TRPC1: variants seen among roughly 807,000 people sequenced by gnomAD.
TRPC1 encodes the protein short transient receptor potential channel 1.
A neutral mutation model predicts 88.2 loss-of-function variants in TRPC1; 42 were observed. The ratio of observed to expected loss-of-function variants is 0.48; its 90% CI spans 0.37 to 0.62. TRPC1 has a LOEUF of 0.62. Among genes scored for constraint, TRPC1 ranks in the 20% least tolerant of loss-of-function variants. The pLI, the probability that TRPC1 is intolerant of heterozygous loss-of-function variation, is 0.00. For synonymous variants in TRPC1, 288 were observed against 331.8 expected, an observed-to-expected ratio of 0.87 and a Z score of 1.43; for missense variants, 699 against 957.3, an observed-to-expected ratio of 0.73 and a Z score of 3.56.
At chr3:142,784,592 A>G (rs1577996255) in intron 6 of TRPC1, 112 bp from the exon 7 acceptor site, 1 of 846,692 alleles carries the variant, frequency 1.2e-6, no homozygotes, top group Admixed American at 3.0e-5. Flanking sequence ...TGTTGAATGT[A>G]TAGAATTGAT....
intron 9 of TRPC1, among the ~76,000 whole-genome samples, chr3:142,794,509 A>G (rs1018614512): frequency 2.0e-5 from 3 of 152,174 alleles, no homozygotes; most frequent in Non-Finnish European, 4.4e-5. Flanking sequence ...ATCAGGCAGT[A>G]AACAACAGTG....
At chr3:142,785,594 C>T (rs532139289) in intron 7 of TRPC1, among the ~76,000 whole-genome samples, 6 of 152,284 alleles carry the variant, frequency 3.9e-5, no homozygotes, top group African/African-American at 9.6e-5. Context: ...CTCCGCCTCC[C>T]GGGTTCAAAC....
At chr3:142,804,958 G>A (rs1294074032) in intron 12 of TRPC1, among the ~76,000 whole-genome samples, 1 of 151,950 alleles carries the variant, frequency 6.6e-6, no homozygotes, top group African/African-American at 2.4e-5. Context: ...AAAACTAGCT[G>A]AGTGTGGTGG....
chr3:142,780,746 T>G, intron 5 of TRPC1, 88 bp from the exon 6 acceptor site: 1 of 1,280,750 alleles, frequency 7.8e-7, no homozygotes, highest in Non-Finnish European at 1.1e-6. Context: ...AGAATTAAAA[T>G]GTTGCTGAGT....
chr3:142,726,667 A>C (rs552570194), intron 1 of TRPC1, among the ~76,000 whole-genome samples: 1 of 152,302 alleles, frequency 6.6e-6, no homozygotes, highest in African/African-American at 2.4e-5. Flanking sequence ...TTAAAAAGTA[A>C]CTTTGAGTTA....
Position 142,776,790 on chromosome 3 carries a change from C to A in TRPC1, c.633-842C>A, listed in dbSNP as rs1025899220. Among the ~76,000 whole-genome samples, 4 of 151,810 alleles carry A rather than the reference C, an allele frequency of 2.6e-5. No individual in the cohort carries two copies. The highest frequency in any genetic ancestry group is 9.7e-5 in the African/African-American group (4 of 41,312). On this transcript the variant is annotated intron_variant, in intron 4 of 12. Transcript: ENST00000476941. The surrounding 1 kb of genome is among the most constrained non-coding windows in gnomAD (Gnocchi z 4.1). ...TGGTGGCACATGCCTGTAATCCCAG[C>A]TACTTGGGAGGCTGAGGCAGGAGAA...
intron 4 of TRPC1, among the ~76,000 whole-genome samples, chr3:142,769,231 TCAC>T (rs138091143): frequency 0.011 from 1,650 of 152,286 alleles, 35 homozygotes; most frequent in African/African-American, 0.038. Flanking sequence ...ATGTAAATGA[TCAC>T]CACAGTCAAT....
At chr3:142,730,707 G>A (rs1023381980) in intron 1 of TRPC1, among the ~76,000 whole-genome samples, 4 of 130,202 alleles carry the variant, frequency 3.1e-5, no homozygotes, top group Middle Eastern at 3.7e-3. Context: ...TCCAGATCCA[G>A]CAACTGAACT....
chr3:142,763,948 C>CA (rs1175160161), intron 4 of TRPC1, among the ~76,000 whole-genome samples: 1 of 51,814 alleles, frequency 1.9e-5, no homozygotes, highest in Non-Finnish European at 4.6e-5. Context: ...GACTCCGTCT[C>CA]AAAAAAAAGA....
Position 142,724,985 on chromosome 3 carries a change from GT to G in TRPC1, c.172+257del, listed in dbSNP as rs938768849. Among the ~76,000 whole-genome samples the G allele has an allele frequency of 1.3e-5, 2 of 152,226 alleles. No homozygotes were observed. Among genetic ancestry groups the G allele is most frequent in the Admixed American group, 1.3e-4 (2 of 15,290 alleles). ...GGTGGCTCTGGCCTTGGGGTCCGGGGTTTAGGTAGCGCCTTGGGAGCCCCGA... is the reference window on the plus strand; with the variant it reads ...GGTGGCTCTGGCCTTGGGGTCCGGGGTTAGGTAGCGCCTTGGGAGCCCCGA... On this transcript the variant is annotated intron_variant, in intron 1 of 12. Transcript: ENST00000476941. The surrounding 1 kb of genome is among the most constrained non-coding windows in gnomAD (Gnocchi z 5.6).
chr3:142,736,380 T>G lies in TRPC1; in HGVS notation c.174T>G (p.Gly58=). The change falls in exon 2 of 13, where the codon GGT becomes GGG. Residue 58 remains glycine, a splice_region_variant and synonymous_variant. Transcript: ENST00000476941. ...TTATGTTTGTATATTGTTATTTAGGTGACTATTATATGGTTAAAAAGATTT... is the reference window on the plus strand; with the variant it reads ...TTATGTTTGTATATTGTTATTTAGGGGACTATTATATGGTTAAAAAGATTT... The part of the protein sequence containing the change: ...EKLFLLACDK[G]DYYMVKKILE... 6.3e-7 allele frequency: 1 copy of G among 1,583,954 alleles called. No individual in the cohort carries two copies. Among genetic ancestry groups the G allele is most frequent in the Non-Finnish European group, 8.6e-7 (1 of 1,167,262 alleles).
chr3:142,804,672 C>T (rs750476063), intron 12 of TRPC1, 42 bp downstream of exon 12: 10 of 1,531,636 alleles, frequency 6.5e-6, no homozygotes, highest in Non-Finnish European at 8.8e-6. Context: ...AAAGTTTTAA[C>T]AATTCCTAAT....
intron 4 of TRPC1, among the ~76,000 whole-genome samples, chr3:142,748,670 A>G (rs545184706): frequency 6.6e-6 from 1 of 152,342 alleles, no homozygotes; most frequent in South Asian, 2.1e-4. Flanking sequence ...AAAATCCTTC[A>G]AATTATGAAT....
chr3:142,727,083 C>G (rs145353014), intron 1 of TRPC1, among the ~76,000 whole-genome samples: 1 of 152,328 alleles, frequency 6.6e-6, no homozygotes, highest in African/African-American at 2.4e-5. Context: ...GAGTGAACAT[C>G]ATTTGTGTCA....
At chr3:142,771,466 G>C (rs1935574691) in intron 4 of TRPC1, among the ~76,000 whole-genome samples, 1 of 152,080 alleles carries the variant, frequency 6.6e-6, no homozygotes, top group Non-Finnish European at 1.5e-5. Context: ...GAGCCACTGT[G>C]CCCAGCAGCT....
Position 142,776,670 on chromosome 3 carries a change from C to T in TRPC1, c.633-962C>T, listed in dbSNP as rs1275314196. 6.6e-6 allele frequency among the ~76,000 whole-genome samples: 1 copy of T among 151,854 alleles called. No individual in the cohort carries two copies. Among genetic ancestry groups the T allele is most frequent in the East Asian group, 1.9e-4 (1 of 5,176 alleles). ...CTGTAATCCCAGCACTTTGGGAGGC[C>T]GAGGTGGCTGGATCACAAGGTCAGG... is the stretch of plus-strand genomic sequence containing the variant. On this transcript the variant is annotated intron_variant, in intron 4 of 12. Coordinates refer to ENST00000476941, the MANE Select transcript of TRPC1 (RefSeq NM_001251845.2). The surrounding 1 kb of genome is among the most constrained non-coding windows in gnomAD (Gnocchi z 4.1).
intron 3 of TRPC1, among the ~76,000 whole-genome samples, chr3:142,744,401 T>C (rs377649792): frequency 1.3e-5 from 2 of 152,156 alleles, no homozygotes; most frequent in South Asian, 4.1e-4. Context: ...TGGGAACTTA[T>C]CAAGGAAATG....
chr3:142,733,478 T>C (rs1442681480), intron 1 of TRPC1, among the ~76,000 whole-genome samples: 1 of 152,086 alleles, frequency 6.6e-6, no homozygotes, highest in Non-Finnish European at 1.5e-5. Flanking sequence ...GCCATTGTAC[T>C]CCTCCAGCCT....
At chr3:142,769,251 A>T (rs1397827481) in intron 4 of TRPC1, among the ~76,000 whole-genome samples, 1 of 152,178 alleles carries the variant, frequency 6.6e-6, no homozygotes, top group Non-Finnish European at 1.5e-5. Context: ...CAATTTTAAA[A>T]CATTTTTATC....
Sources: allele counts gnomAD v4.1 joint callset (sites outside exome capture counted in the v4.1 genomes callset), GRCh38; gene constraint gnomAD v4.1.1; non-coding constraint Gnocchi (gnomAD v3.1); transcripts MANE v1.5; gene names NCBI Gene and HGNC (gene_info 2026-07-23, HGNC 2026-07-21).